The following TMEM163 variants were observed in gnomAD, a reference collection of about 807,000 sequenced individuals.
TMEM163 encodes transmembrane protein 163.
In TMEM163, 17 loss-of-function variants were observed where a neutral mutation model predicts 29.3. The ratio of observed to expected loss-of-function variants is 0.58; its 90% confidence interval spans 0.40 to 0.87. TMEM163 has a LOEUF of 0.87. Ranked by LOEUF, TMEM163 falls within the 40% of genes least tolerant of loss-of-function variation. The pLI, the probability that TMEM163 is intolerant of heterozygous loss-of-function variation, is 0.00. For missense variants in TMEM163, 303 were observed against 381.5 expected, an observed-to-expected ratio of 0.79 and a Z score of 1.71; for synonymous variants, 157 against 160.6, an observed-to-expected ratio of 0.98 and a Z score of 0.17.
At chr2:134,527,255 G>A (rs1037365115) in intron 4 of TMEM163, among the ~76,000 whole-genome samples, 7 of 151,976 alleles carry the variant, frequency 4.6e-5, no homozygotes, top group Non-Finnish European at 8.8e-5. Flanking sequence ...GCTTACATAC[G>A]TGTATGCATC....
At chr2:134,582,236 C>CA (rs1342950739) in intron 2 of TMEM163, among the ~76,000 whole-genome samples, 12 of 152,090 alleles carry the variant, frequency 7.9e-5, no homozygotes, top group Non-Finnish European at 1.6e-4. Context: ...TCATCAACTT[C>CA]AAAAAAGGCA....
rs2106471053 is a variant in TMEM163, at chr2:134,458,512, TC to T, written c.668-340del. On this transcript the variant is annotated intron_variant, in intron 6 of 7. Transcript: ENST00000281924. ...GTGTGGTTTTCTGTTGAGTCCACAG[TC>T]CCCAGGACAGTTCCAGGCTCACAGT... 3 of 273,816 alleles carry T rather than the reference TC, an allele frequency of 1.1e-5. No homozygotes were observed. The South Asian group carries it at 1.6e-4, about 15-fold the overall frequency. 17.0% of individuals were successfully genotyped at this position (273,816 alleles called of 1,614,324 possible).
At chr2:134,705,209 CAAA>C (rs59533911) in intron 2 of TMEM163, among the ~76,000 whole-genome samples, 1 of 132,054 alleles carries the variant, frequency 7.6e-6, no homozygotes, top group African/African-American at 2.7e-5. Flanking sequence ...GACTCCATCT[CAAA>C]AAAAAAAAAA....
rs181577050 is a variant in TMEM163 at position 134,631,578 on chromosome 2, A to C, written c.323-79487T>G. On this transcript the variant is annotated intron_variant, in intron 2 of 7. Transcript: ENST00000281924. ...AGAAAACTAAAGCCCAGAAAGGCCA[A>C]GGGTCAAATCCAATGCCAGAGCACT... Among the ~76,000 whole-genome samples the C allele has an allele frequency of 3.9e-5, 6 of 152,338 alleles. No individual in the cohort carries two copies. In the East Asian group the frequency reaches 1.2e-3, roughly 29 times the overall value.
chr2:134,647,758 T>C (rs1008038495), intron 2 of TMEM163, among the ~76,000 whole-genome samples: 2 of 152,216 alleles, frequency 1.3e-5, no homozygotes, highest in African/African-American at 4.8e-5. Context: ...GGCTGCTTCA[T>C]TGCCAGCAGG....
At chr2:134,531,864 T>TG (rs1467729945) in intron 4 of TMEM163, among the ~76,000 whole-genome samples, 1 of 152,144 alleles carries the variant, frequency 6.6e-6, no homozygotes, top group Non-Finnish European at 1.5e-5. Context: ...TGCCAGAGGC[T>TG]GGGGGCTGGG....
intron 2 of TMEM163, among the ~76,000 whole-genome samples, chr2:134,621,242 A>G (rs978069630): frequency 3.9e-5 from 6 of 152,246 alleles, no homozygotes; most frequent in Non-Finnish European, 8.8e-5. Flanking sequence ...TAATAATATT[A>G]GTCATTAGGG....
chr2:134,485,569 C>G (rs927393605), intron 5 of TMEM163, among the ~76,000 whole-genome samples: 1 of 152,110 alleles, frequency 6.6e-6, no homozygotes, highest in Non-Finnish European at 1.5e-5. Context: ...AGCTGCTGCC[C>G]GAGGCACAAT....
intron 2 of TMEM163, among the ~76,000 whole-genome samples, chr2:134,586,536 T>C (rs907815160): frequency 6.6e-6 from 1 of 152,236 alleles, no homozygotes; most frequent in African/African-American, 2.4e-5. Context: ...GGTCCCACCA[T>C]ACTCCAGCAT....
intron 4 of TMEM163, among the ~76,000 whole-genome samples, chr2:134,519,706 C>T (rs1220790249): frequency 8.0e-5 from 12 of 150,904 alleles, no homozygotes; most frequent in African/African-American, 2.7e-4. Context: ...AGTGAGATTC[C>T]GTGTCAAAAA....
At chr2:134,605,651 A>C (rs1336853323) in intron 2 of TMEM163, among the ~76,000 whole-genome samples, 3 of 151,740 alleles carry the variant, frequency 2.0e-5, no homozygotes, top group African/African-American at 7.3e-5. Context: ...GCGCCATTGC[A>C]CTCCAGCCTG....
chr2:134,492,652 T>C (rs1558921333), intron 5 of TMEM163, among the ~76,000 whole-genome samples: 1 of 152,216 alleles, frequency 6.6e-6, no homozygotes, highest in Non-Finnish European at 1.5e-5. Flanking sequence ...CTTCACTATT[T>C]TGAGACCCAC....
At chr2:134,648,476 CA>C (rs1683390642) in intron 2 of TMEM163, among the ~76,000 whole-genome samples, 1 of 152,092 alleles carries the variant, frequency 6.6e-6, no homozygotes, top group Admixed American at 6.6e-5. Context: ...GCCACAGTTC[CA>C]GGCTTGAGGG....
intron 2 of TMEM163, among the ~76,000 whole-genome samples, chr2:134,673,108 C>CT (rs2104868214): frequency 6.6e-6 from 1 of 152,286 alleles, no homozygotes; most frequent in East Asian, 1.9e-4. Context: ...ATCATGGACC[C>CT]TCTCCACAGA....
intron 5 of TMEM163, chr2:134,467,411 ACATCAC>A (rs1346021256): frequency 1.3e-5 from 2 of 152,246 alleles, no homozygotes; most frequent in African/African-American, 4.8e-5. Flanking sequence ...ATCAAGGTTC[ACATCAC>A]CATTATTAAG....
chr2:134,612,334 A>G (rs1001394317), intron 2 of TMEM163, among the ~76,000 whole-genome samples: 1 of 152,168 alleles, frequency 6.6e-6, no homozygotes, highest in African/African-American at 2.4e-5. Flanking sequence ...GATTTAGGAA[A>G]TGAGATGTCC....
chr2:134,674,096 C>T (rs1684052724), intron 2 of TMEM163, among the ~76,000 whole-genome samples: 1 of 152,132 alleles, frequency 6.6e-6, no homozygotes, highest in African/African-American at 2.4e-5. Context: ...GAAAAAGTGG[C>T]TATTGGTCTA....
chr2:134,633,477 A>C (rs1214466552), intron 2 of TMEM163, among the ~76,000 whole-genome samples: 2 of 152,196 alleles, frequency 1.3e-5, no homozygotes, highest in African/African-American at 4.8e-5. Context: ...GGAATTTTTA[A>C]TGTCATGCAG....
At chr2:134,683,742 T>C (rs1462863951) in intron 2 of TMEM163, among the ~76,000 whole-genome samples, 1 of 152,122 alleles carries the variant, frequency 6.6e-6, no homozygotes, top group Non-Finnish European at 1.5e-5. Flanking sequence ...AAGAAGTTTA[T>C]CAGATTTTGC....
Sources: allele counts gnomAD v4.1 joint callset (sites outside exome capture counted in the v4.1 genomes callset), GRCh38; gene constraint gnomAD v4.1.1; transcripts MANE v1.5; gene names NCBI Gene and HGNC (gene_info 2026-07-23, HGNC 2026-07-21).